Variants in TEX2 observed in about 807,000 individuals in gnomAD.
TEX2 encodes the protein testis-expressed protein 2.
A neutral mutation model predicts 106.9 loss-of-function variants in TEX2; 53 were observed. The observed-to-expected ratio is 0.50, with a 90% CI of 0.40 to 0.62. TEX2 has a LOEUF of 0.62. Among genes scored for constraint, TEX2 ranks in the 20% least tolerant of loss-of-function variants. The probability of loss-of-function intolerance (pLI) is 0.00; values close to 1 mark genes in which losing one functional copy is unlikely to be tolerated. For synonymous variants in TEX2, 523 were observed against 534.8 expected (o/e 0.98, Z 0.30); for missense variants, 1,207 against 1,379.0 (o/e 0.88, Z 1.98).
At chr17:64,259,128 G>C (rs2034242822) in intron 1 of TEX2, among the ~76,000 whole-genome samples, 4 of 152,148 alleles carry the variant, frequency 2.6e-5, no homozygotes, top group Admixed American at 2.6e-4. Flanking sequence ...GTGCAATTTT[G>C]GGTGATCCAC....
Position 64,155,211 on chromosome 17 carries a change from T to G in TEX2, c.2805-244A>C, listed in dbSNP as rs2030561646. The G allele has an allele frequency of 7.8e-6, 3 of 385,086 alleles. No individual in the cohort carries two copies. In the Admixed American group the frequency reaches 1.4e-4, roughly 18 times the overall value. 23.9% of individuals were successfully genotyped at this position (385,086 alleles called of 1,614,324 possible). On this transcript the variant is annotated intron_variant, in intron 8 of 11. Coordinates refer to ENST00000584379, the MANE Select transcript of TEX2 (RefSeq NM_001288732.2). ...GCCTCTGACAGGACCACAGAGGCCT[T>G]GGACCCAGAAGAGGTTGCTTTTGAG... is the stretch of plus-strand genomic sequence containing the variant.
At position 64,181,511 on chromosome 17, in the gene TEX2, C is replaced by T. The variant is rs1483141125; in HGVS notation, c.2425-4040G>A. Among the ~76,000 whole-genome samples the T allele has an allele frequency of 3.4e-5, 5 of 146,078 alleles. No homozygotes were observed. In the East Asian group the frequency reaches 1.0e-3, roughly 30 times the overall value. On this transcript the variant is annotated intron_variant, in intron 5 of 11. Coordinates refer to ENST00000584379, the MANE Select transcript of TEX2 (RefSeq NM_001288732.2). ...AAAAAAAAAAAAAGCAAAATTAGAT[C>T]TGGCTACATGGTTTTGTATTCTTTG... is the stretch of plus-strand genomic sequence containing the variant.
chr17:64,249,850 T>C (rs1459902960), intron 1 of TEX2, among the ~76,000 whole-genome samples: 1 of 152,124 alleles, frequency 6.6e-6, no homozygotes, highest in Non-Finnish European at 1.5e-5. Context: ...CAGAGCATGA[T>C]CAACAGCCAT....
intron 6 of TEX2, 36 bp downstream of exon 6, chr17:64,177,289 T>A (rs532084081): frequency 6.2e-7 from 1 of 1,610,622 alleles, no homozygotes; most frequent in African/African-American, 1.3e-5. Context: ...TGAAGAAGTA[T>A]AGAGGATTAG....
chr17:64,208,163 A>G (rs1479740164), intron 2 of TEX2, among the ~76,000 whole-genome samples: 2 of 152,248 alleles, frequency 1.3e-5, no homozygotes, highest in African/African-American at 4.8e-5. Context: ...AATCCTGTTA[A>G]AGATGGACTG....
In TEX2 at chr17:64,193,550, C is replaced by T. The variant is rs758093659; in HGVS notation, c.2176+9G>A. ...AAAATGCATAAGCATTTAGCACAAA[C>T]ATCATTACCTGGTTTACCTCCAGAG... On this transcript the variant is annotated intron_variant, in intron 4 of 11. Transcript: ENST00000584379. The T allele has an allele frequency of 2.8e-6, 4 of 1,411,034 alleles. No individual in the cohort carries two copies. Among genetic ancestry groups the T allele is most frequent in the Non-Finnish European group, 2.8e-6 (3 of 1,073,620 alleles). The allele number at this position is 1,411,034 out of a possible 1,614,324, so 87.4% of individuals were successfully genotyped here.
At chr17:64,239,748 C>T (rs1354587489) in intron 1 of TEX2, among the ~76,000 whole-genome samples, 2 of 151,538 alleles carry the variant, frequency 1.3e-5, no homozygotes, top group East Asian at 3.9e-4. Flanking sequence ...TGGTGGCAGG[C>T]ACCTGTAATC....
chr17:64,149,099 A>T lies in TEX2; in HGVS notation c.3262-8T>A. ...TGGCATGACAAAAACTTTCTGTAGGAAGATATTAAAGAACAGCTATGTGGA... is the reference window on the plus strand; with the variant it reads ...TGGCATGACAAAAACTTTCTGTAGGTAGATATTAAAGAACAGCTATGTGGA... On this transcript the variant is annotated splice_region_variant and splice_polypyrimidine_tract_variant and intron_variant, in intron 11 of 11. Transcript: ENST00000584379. 1.2e-6 allele frequency: 2 copies of T among 1,613,516 alleles called. No homozygotes were observed. The highest frequency in any genetic ancestry group is 1.1e-5 in the South Asian group (1 of 90,980).
chr17:64,177,380 T>C lies in TEX2; in HGVS notation c.2516A>G (p.Lys839Arg). The change falls in exon 6 of 12, where the codon AAA becomes AGA. Residue 839 changes from lysine to arginine, a missense_variant. Coordinates refer to ENST00000584379, the MANE Select transcript of TEX2 (RefSeq NM_001288732.2). Reference protein sequence around the residue: ...GRIFWDFLGEKYWSDLVSKKI... With the variant: ...GRIFWDFLGERYWSDLVSKKI... ...CTTAGACACCAGATCAGACCAGTAT[T>C]TCTCTCCTAAGAAGTCCCAAAATAT... 3 of 1,614,224 alleles carry C rather than the reference T, an allele frequency of 1.9e-6. No individual in the cohort carries two copies. The highest frequency in any genetic ancestry group is 2.5e-6 in the Non-Finnish European group (3 of 1,180,032).
chr17:64,238,832 C>G (rs2033825617), intron 1 of TEX2, among the ~76,000 whole-genome samples: 1 of 152,164 alleles, frequency 6.6e-6, no homozygotes, highest in Non-Finnish European at 1.5e-5. Flanking sequence ...AAACAAGAAA[C>G]TTCAAAATGG....
intron 3 of TEX2, among the ~76,000 whole-genome samples, chr17:64,194,609 T>C (rs1300164521): frequency 1.3e-5 from 2 of 152,222 alleles, no homozygotes; most frequent in Non-Finnish European, 2.9e-5. Context: ...TGCACAACAC[T>C]TGTTCCTCAA....
chr17:64,164,863 C>T (rs1298779289), intron 7 of TEX2, among the ~76,000 whole-genome samples: 1 of 152,228 alleles, frequency 6.6e-6, no homozygotes, highest in Non-Finnish European at 1.5e-5. Context: ...AGTTAACAGA[C>T]CCCATGGCCT....
chr17:64,250,686 T>A (rs1162396848), intron 1 of TEX2, among the ~76,000 whole-genome samples: 1 of 152,200 alleles, frequency 6.6e-6, no homozygotes, highest in Non-Finnish European at 1.5e-5. Flanking sequence ...CTCACTTTTT[T>A]ATTTTTTTTA....
intron 8 of TEX2, chr17:64,155,375 G>C (rs2030574085): frequency 6.3e-6 from 1 of 158,312 alleles, no homozygotes; most frequent in African/African-American, 2.4e-5. Flanking sequence ...AGCTTATACT[G>C]GTGACATGGC....
At chr17:64,203,339 G>C (rs1417121480) in intron 2 of TEX2, among the ~76,000 whole-genome samples, 1 of 152,242 alleles carries the variant, frequency 6.6e-6, no homozygotes, top group Non-Finnish European at 1.5e-5. Context: ...TTCATCAAGT[G>C]TATCAGGGAA....
chr17:64,240,114 A>G (rs2033858046), intron 1 of TEX2, among the ~76,000 whole-genome samples: 1 of 152,066 alleles, frequency 6.6e-6, no homozygotes, highest in African/African-American at 2.4e-5. Context: ...TAGTAAGTAC[A>G]CTGATTATAC....
At position 64,167,792 on chromosome 17, in the gene TEX2, C is replaced by A. The variant is rs1023434819; in HGVS notation, c.2671+3308G>T. Among the ~76,000 whole-genome samples the A allele has an allele frequency of 2.6e-5, 4 of 151,906 alleles. No homozygotes were observed. In the South Asian group the frequency reaches 8.3e-4, roughly 32 times the overall value. ...TGAGATCATGCCACTGCACTCCAGG[C>A]TGGACGACAAGAGTGAAACTCCATC... On this transcript the variant is annotated intron_variant, in intron 7 of 11. Coordinates refer to ENST00000584379, the MANE Select transcript of TEX2 (RefSeq NM_001288732.2).
At chr17:64,152,887 T>C (rs2030423403) in intron 10 of TEX2, 58 bp downstream of exon 10, 1 of 1,545,820 alleles carries the variant, frequency 6.5e-7, no homozygotes, top group African/African-American at 1.4e-5. Flanking sequence ...CAGGCTGGGA[T>C]TTCTGTGGCC....
chr17:64,182,294 G>T (rs190849868), intron 5 of TEX2, among the ~76,000 whole-genome samples: 60 of 152,252 alleles, frequency 3.9e-4, no homozygotes, highest in African/African-American at 1.4e-3. Context: ...CGAGAGACAG[G>T]GAATGGTGGT....
Sources: allele counts gnomAD v4.1 joint callset (sites outside exome capture counted in the v4.1 genomes callset), GRCh38; gene constraint gnomAD v4.1.1; transcripts MANE v1.5; gene names NCBI Gene and HGNC (gene_info 2026-07-23, HGNC 2026-07-21).